Variants in ALK observed in about 807,000 individuals in gnomAD.
ALK encodes the protein ALK tyrosine kinase receptor.
A neutral mutation model predicts 163.1 loss-of-function variants in ALK; 74 were observed. That is an observed-to-expected ratio of 0.45 (90% CI 0.38 to 0.55). The LOEUF is 0.55. Among genes scored for constraint, ALK ranks in the 20% least tolerant of loss-of-function variants. The pLI is 0.00. For synonymous variants in ALK, 960 were observed against 843.2 expected (o/e 1.14, Z -2.40); for missense variants, 2,063 against 2,105.3 (o/e 0.98, Z 0.39).
At chr2:29,634,772 A>G (rs968681088) in intron 3 of ALK, among the ~76,000 whole-genome samples, 1 of 152,226 alleles carries the variant, frequency 6.6e-6, no homozygotes, top group Non-Finnish European at 1.5e-5. Flanking sequence ...AGTCAGGGCA[A>G]TAGGGCAAAA....
chr2:29,743,579 G>A lies in ALK; in HGVS notation c.668-25882C>T, dbSNP rs969219213. On this transcript the variant is annotated intron_variant, in intron 1 of 28. Transcript: ENST00000389048. ...CCCTGAGGACGGATTCCTGTTTGAC[G>A]TGGAGCCTGTACTTTTGACAAAGTC... 4.6e-5 allele frequency among the ~76,000 whole-genome samples: 7 copies of A among 152,348 alleles called. No homozygotes were observed. The East Asian group carries it at 5.8e-4, about 13-fold the overall frequency.
At chr2:29,787,055 A>G (rs1572378704) in intron 1 of ALK, among the ~76,000 whole-genome samples, 2 of 152,092 alleles carry the variant, frequency 1.3e-5, no homozygotes, top group African/African-American at 4.8e-5. Flanking sequence ...TTGGCCTCCC[A>G]AAGTGCTGGG....
Position 29,632,455 on chromosome 2 carries a change from T to C in ALK, c.952+62395A>G, listed in dbSNP as rs1472742576. ...AAGAGATAAGATTAAATTAAAGTTATAGTAAATAATATTAAATTTAAATAA... is the reference window on the plus strand; with the variant it reads ...AAGAGATAAGATTAAATTAAAGTTACAGTAAATAATATTAAATTTAAATAA... On this transcript the variant is annotated intron_variant, in intron 3 of 28. Transcript: ENST00000389048. 3.9e-5 allele frequency among the ~76,000 whole-genome samples: 6 copies of C among 152,192 alleles called. No individual in the cohort carries two copies. The South Asian group carries it at 6.2e-4, about 16-fold the overall frequency.
At chr2:29,717,461 C>T in intron 2 of ALK, 117 bp downstream of exon 2, 2 of 1,263,936 alleles carry the variant, frequency 1.6e-6, no homozygotes, top group South Asian at 2.5e-5. Context: ...ACTTCTTTTG[C>T]ATATAGGGAG....
At chr2:29,408,520 C>T (rs913460849) in intron 4 of ALK, among the ~76,000 whole-genome samples, 1 of 152,146 alleles carries the variant, frequency 6.6e-6, no homozygotes, top group East Asian at 1.9e-4. Context: ...TCACCCTGAA[C>T]CAATCTGCGA....
At chr2:29,349,943 C>T (rs2148278465) in intron 5 of ALK, among the ~76,000 whole-genome samples, 1 of 152,258 alleles carries the variant, frequency 6.6e-6, no homozygotes, top group Non-Finnish European at 1.5e-5. Context: ...CTGCACAAGG[C>T]AGGAATCACT....
chr2:29,889,981 A>T (rs1229306907), intron 1 of ALK, among the ~76,000 whole-genome samples: 1 of 152,204 alleles, frequency 6.6e-6, no homozygotes, highest in Admixed American at 6.5e-5. Flanking sequence ...GAAATGCTTC[A>T]AAACGTGTAC....
intron 3 of ALK, among the ~76,000 whole-genome samples, chr2:29,538,173 G>T (rs1260212889): frequency 6.6e-6 from 1 of 152,006 alleles, no homozygotes; most frequent in African/African-American, 2.4e-5. Context: ...ATTTTGAAAT[G>T]TAAGGACATG....
At chr2:29,659,526 G>A (rs1677287563) in intron 3 of ALK, among the ~76,000 whole-genome samples, 1 of 152,098 alleles carries the variant, frequency 6.6e-6, no homozygotes, top group African/African-American at 2.4e-5. Flanking sequence ...AAGAAGCGTA[G>A]GGCATTCTAA....
At chr2:29,420,601 G>A (rs1181597737) in intron 4 of ALK, among the ~76,000 whole-genome samples, 1 of 151,380 alleles carries the variant, frequency 6.6e-6, no homozygotes, top group Non-Finnish European at 1.5e-5. Flanking sequence ...TCTGCAAACG[G>A]CATGGGCATA....
chr2:29,514,688 T>C (rs1255431174), intron 4 of ALK, among the ~76,000 whole-genome samples: 1 of 152,240 alleles, frequency 6.6e-6, no homozygotes, highest in Non-Finnish European at 1.5e-5. Context: ...TTGCCTGTTT[T>C]GGTGAATGGC....
intron 4 of ALK, among the ~76,000 whole-genome samples, chr2:29,432,709 C>A (rs1024194348): frequency 6.6e-6 from 1 of 151,956 alleles, no homozygotes; most frequent in Admixed American, 6.6e-5. Context: ...AATGGATAAC[C>A]CAATGGTAAA....
intron 3 of ALK, among the ~76,000 whole-genome samples, chr2:29,611,530 C>T (rs1675691011): frequency 6.6e-6 from 1 of 152,134 alleles, no homozygotes; most frequent in Admixed American, 6.6e-5. Context: ...TTATGTCAAC[C>T]ATCTGAACTC....
intron 1 of ALK, among the ~76,000 whole-genome samples, chr2:29,903,185 G>T (rs149590759): frequency 2.6e-5 from 4 of 152,102 alleles, no homozygotes; most frequent in Non-Finnish European, 5.9e-5. Flanking sequence ...AGTCCTGAAC[G>T]CATGGAAAGT....
At chr2:29,611,988 G>T (rs1038651819) in intron 3 of ALK, among the ~76,000 whole-genome samples, 1 of 152,152 alleles carries the variant, frequency 6.6e-6, no homozygotes, top group Non-Finnish European at 1.5e-5. Flanking sequence ...AGACAAACAG[G>T]TTCTTTCTCT....
At chr2:29,675,976 T>C (rs963562867) in intron 3 of ALK, among the ~76,000 whole-genome samples, 7 of 152,132 alleles carry the variant, frequency 4.6e-5, no homozygotes, top group African/African-American at 7.2e-5. Context: ...TCCTCCTGCA[T>C]TGGCCTCCCA....
chr2:29,662,062 G>A (rs1178014610), intron 3 of ALK, among the ~76,000 whole-genome samples: 3 of 151,932 alleles, frequency 2.0e-5, no homozygotes, highest in Non-Finnish European at 4.4e-5. Flanking sequence ...GGCGTACACT[G>A]CCATGCCTGG....
intron 4 of ALK, among the ~76,000 whole-genome samples, chr2:29,427,179 C>T: frequency 6.8e-6 from 1 of 147,242 alleles, no homozygotes; most frequent in East Asian, 2.1e-4. Context: ...AAAAGGCATA[C>T]TTGAGTAAGG....
At chr2:29,615,577 T>C (rs1675819623) in intron 3 of ALK, among the ~76,000 whole-genome samples, 1 of 152,240 alleles carries the variant, frequency 6.6e-6, no homozygotes, top group African/African-American at 2.4e-5. Context: ...GAGCTCTTCT[T>C]ATAGTTTATA....
Sources: gnomAD v4.1 joint callset for allele counts (sites outside exome capture counted in the v4.1 genomes callset) on GRCh38, gnomAD v4.1.1 for gene constraint, MANE v1.5 for transcripts, NCBI Gene and HGNC (gene_info 2026-07-23, HGNC 2026-07-21) for gene names.